The following CAPN5 variants were observed in gnomAD, a reference collection of about 807,000 sequenced individuals.
CAPN5 encodes calpain 5.
CAPN5 carries 54 observed loss-of-function variants against 73.0 expected under a neutral mutation model. The ratio of observed to expected loss-of-function variants is 0.74; its 90% confidence interval spans 0.59 to 0.93. The LOEUF (loss-of-function observed/expected upper bound fraction) is 0.93, where lower values mean the gene tolerates loss of function less well. Ranked by LOEUF, CAPN5 falls within the 40% of genes least tolerant of loss-of-function variation. The pLI is 0.00. For synonymous variants in CAPN5, 335 were observed against 356.9 expected (o/e 0.94, Z 0.69); for missense variants, 785 against 882.9 (o/e 0.89, Z 1.41).
chr11:77,070,480 G>A (rs1296714844), intron 1 of CAPN5, among the ~76,000 whole-genome samples: 1 of 152,252 alleles, frequency 6.6e-6, no homozygotes, highest in African/African-American at 2.4e-5. Flanking sequence ...CAGGAACTAA[G>A]AAACTGATGT....
At position 77,100,040 on chromosome 11, in the gene CAPN5, T is replaced by C. The variant is rs1555038561; in HGVS notation, c.297+6227T>C. Among the ~76,000 whole-genome samples, 12 of 152,276 alleles carry C rather than the reference T, an allele frequency of 7.9e-5. 1 individual carries two copies. The South Asian group carries it at 2.5e-3, about 32-fold the overall frequency. On this transcript the variant is annotated intron_variant, in intron 3 of 12. Transcript: ENST00000648180. ...TTAGTAGAGATGGGGTTTCACCACG[T>C]TGGCCAGGCTGGTCTCAAACTCTTG...
intron 1 of CAPN5, among the ~76,000 whole-genome samples, chr11:77,075,362 C>A (rs1447821618): frequency 1.3e-5 from 2 of 152,142 alleles, no homozygotes; most frequent in Non-Finnish European, 2.9e-5. Context: ...ACCTGTAGGA[C>A]CTTCTTGTGG....
Position 77,088,339 on chromosome 11 carries a change from C to T in CAPN5, c.165+3288C>T, listed in dbSNP as rs371719119. Among the ~76,000 whole-genome samples the T allele has an allele frequency of 8.5e-5, 13 of 152,216 alleles. No individual in the cohort carries two copies. The East Asian group carries it at 1.5e-3, about 18-fold the overall frequency. On this transcript the variant is annotated intron_variant, in intron 2 of 12. Coordinates refer to ENST00000648180, the MANE Select transcript of CAPN5 (RefSeq NM_004055.5). Reference sequence around the variant, plus strand: ...ACTCCTCGGCTCCCTGAACATAAGGCCTTTTCGTGCCACAGAACAGTCAGT... The same window carrying T: ...ACTCCTCGGCTCCCTGAACATAAGGTCTTTTCGTGCCACAGAACAGTCAGT...
chr11:77,073,265 C>T, intron 1 of CAPN5: 1 of 430,924 alleles, frequency 2.3e-6, no homozygotes, highest in Non-Finnish European at 4.4e-6. Context: ...CCAACAGTCT[C>T]CACCTCCACA....
intron 1 of CAPN5, among the ~76,000 whole-genome samples, chr11:77,083,327 C>T (rs2135420574): frequency 1.3e-5 from 2 of 151,688 alleles, no homozygotes; most frequent in South Asian, 4.2e-4. Flanking sequence ...TCGCCTCTTT[C>T]CTTTCCTGTC....
chr11:77,078,044 G>A (rs1218277027), intron 1 of CAPN5, among the ~76,000 whole-genome samples: 1 of 152,010 alleles, frequency 6.6e-6, no homozygotes, highest in Non-Finnish European at 1.5e-5. Context: ...TGTTTTCTTT[G>A]TTGTGCAGAA....
intron 3 of CAPN5, chr11:77,103,422 C>A: frequency 1.4e-6 from 2 of 1,464,812 alleles, no homozygotes; most frequent in Non-Finnish European, 1.8e-6. Flanking sequence ...GGCCATTATT[C>A]TCGCTGCTCA....
intron 3 of CAPN5, among the ~76,000 whole-genome samples, chr11:77,104,607 C>T (rs782787349): frequency 1.1e-4 from 17 of 152,356 alleles, no homozygotes; most frequent in African/African-American, 2.9e-4. Context: ...CTTCGCATTG[C>T]GCAGTCCCAG....
At chr11:77,092,351 C>T (rs1267460802) in intron 2 of CAPN5, among the ~76,000 whole-genome samples, 1 of 152,256 alleles carries the variant, frequency 6.6e-6, no homozygotes, top group Non-Finnish European at 1.5e-5. Flanking sequence ...ATTCAGTCTC[C>T]AGTCTGAAGC....
chr11:77,110,316 T>C (rs1393560560), intron 3 of CAPN5, among the ~76,000 whole-genome samples: 1 of 152,198 alleles, frequency 6.6e-6, no homozygotes, highest in East Asian at 1.9e-4. Flanking sequence ...GGTATCGAAC[T>C]GGCCTCAAGT....
chr11:77,084,237 G>T (rs544160626), intron 1 of CAPN5, among the ~76,000 whole-genome samples: 1 of 152,286 alleles, frequency 6.6e-6, no homozygotes, highest in South Asian at 2.1e-4. Context: ...GTGCTTGGCT[G>T]GGCCCACCTG....
At chr11:77,070,981 A>G (rs1028949393) in intron 1 of CAPN5, among the ~76,000 whole-genome samples, 8 of 152,162 alleles carry the variant, frequency 5.3e-5, no homozygotes, top group African/African-American at 1.9e-4. Context: ...CCCTGTCTCA[A>G]AATCCTTAAT....
intron 3 of CAPN5, among the ~76,000 whole-genome samples, chr11:77,096,603 T>TA (rs1555037510): frequency 6.6e-5 from 10 of 152,234 alleles, no homozygotes; most frequent in Middle Eastern, 3.2e-3. Flanking sequence ...GGCAGGGCAG[T>TA]GGACTTCAGG....
At chr11:77,068,154 C>T (rs1268567529) in intron 1 of CAPN5, among the ~76,000 whole-genome samples, 1 of 152,136 alleles carries the variant, frequency 6.6e-6, no homozygotes. Context: ...GGATTGACAC[C>T]TCCCAGGGTC....
chr11:77,073,345 C>T (rs1183302247), intron 1 of CAPN5, among the ~76,000 whole-genome samples: 1 of 152,232 alleles, frequency 6.6e-6, no homozygotes, highest in Non-Finnish European at 1.5e-5. Context: ...CTGGAACACC[C>T]TTTCAGAAGC....
intron 3 of CAPN5, among the ~76,000 whole-genome samples, chr11:77,098,353 G>A (rs1156318306): frequency 2.5e-4 from 27 of 107,388 alleles, no homozygotes; most frequent in East Asian, 1.9e-3. Flanking sequence ...CCTCCGGGAC[G>A]GGGCAGCTGG....
rs782642050 is a variant in CAPN5, at chr11:77,123,741, G to A, written c.1794G>A (p.Lys598=). Residue 598 remains lysine (K), a synonymous_variant, in exon 13 of 13, where the codon AAG becomes AAA. Coordinates refer to ENST00000648180, the MANE Select transcript of CAPN5 (RefSeq NM_004055.5). ...AATTTCTGGGCCAGGTGCACCTAAAGGCTGACCCGGACAACCTCCAGGCCC... is the reference window on the plus strand; with the variant it reads ...AATTTCTGGGCCAGGTGCACCTAAAAGCTGACCCGGACAACCTCCAGGCCC... ...KDEFLGQVHL[K]ADPDNLQALH... 5.6e-6 allele frequency: 9 copies of A among 1,613,874 alleles called. No homozygotes were observed. In the South Asian group the frequency reaches 9.9e-5, roughly 18 times the overall value.
chr11:77,120,829 C>G lies in CAPN5; in HGVS notation c.1407C>G (p.Val469=). 1.2e-6 allele frequency: 2 copies of G among 1,614,186 alleles called. No individual in the cohort carries two copies. Among genetic ancestry groups the G allele is most frequent in the Non-Finnish European group, 1.7e-6 (2 of 1,180,024 alleles). ...LRTDQPEGRY[V]IIPTTFEPGH... is the part of the protein sequence containing the mutation. ...CCGACCAGCCCGAGGGCCGCTATGTCATCATCCCCACAACCTTCGAGCCAG... is the reference window on the plus strand; with the variant it reads ...CCGACCAGCCCGAGGGCCGCTATGTGATCATCCCCACAACCTTCGAGCCAG... Residue 469 remains valine, a synonymous_variant, in exon 10 of 13, where the codon GTC becomes GTG. Transcript: ENST00000648180.
At position 77,085,023 on chromosome 11, in the gene CAPN5, GGCCC is replaced by G; in HGVS notation, c.141_144del (p.Ala48SerfsTer114). 6.2e-7 allele frequency: 1 copy of G among 1,613,522 alleles called. No homozygotes were observed. Among genetic ancestry groups the G allele is most frequent in the Non-Finnish European group, 8.5e-7 (1 of 1,180,020 alleles). ...TCACTCTACTATAAGGGCACGCCGG[GGCCC>G]GCCGTCAGGTGGAAGCGACCCAAGG... On this transcript the variant is annotated frameshift_variant, in exon 2 of 13. Coordinates refer to ENST00000648180, the MANE Select transcript of CAPN5 (RefSeq NM_004055.5). LOFTEE classifies it high-confidence loss of function.
Sources: allele counts gnomAD v4.1 joint callset (sites outside exome capture counted in the v4.1 genomes callset), GRCh38; gene constraint gnomAD v4.1.1; transcripts MANE v1.5; gene names NCBI Gene and HGNC (gene_info 2026-07-23, HGNC 2026-07-21).